The following RIMS2 variants were observed in gnomAD, a reference collection of about 807,000 sequenced individuals.
The protein encoded by RIMS2 is regulating synaptic membrane exocytosis 2.
RIMS2 carries 59 observed loss-of-function variants against 174.4 expected under a neutral mutation model. The ratio of observed to expected loss-of-function variants is 0.34; its 90% confidence interval spans 0.27 to 0.42. The LOEUF is 0.42. Ranked by LOEUF, RIMS2 falls within the 10% of genes least tolerant of loss-of-function variation. RIMS2 has a pLI of 1.00. For missense variants in RIMS2, 1,620 were observed against 1,666.3 expected (o/e 0.97, Z 0.48); for synonymous variants, 606 against 572.5 (o/e 1.06, Z -0.84).
At chr8:104,229,789 A>T (rs1216133528) in intron 19 of RIMS2, among the ~76,000 whole-genome samples, 1 of 151,880 alleles carries the variant, frequency 6.6e-6, no homozygotes, top group South Asian at 2.1e-4. Context: ...CAAAGAAGAG[A>T]TTTCACTTAC....
intron 3 of RIMS2, among the ~76,000 whole-genome samples, chr8:103,869,584 A>G (rs1037197698): frequency 5.3e-5 from 8 of 152,100 alleles, no homozygotes; most frequent in African/African-American, 1.9e-4. Context: ...CAGCCTCCCA[A>G]AGTGCTGGGA....
chr8:103,686,680 G>T (rs939091617), intron 1 of RIMS2, among the ~76,000 whole-genome samples: 1 of 152,052 alleles, frequency 6.6e-6, no homozygotes, highest in Non-Finnish European at 1.5e-5. Flanking sequence ...TTTTGGATTT[G>T]ATTTGTTAAT....
At chr8:103,628,729 C>T (rs2095844762) in intron 1 of RIMS2, among the ~76,000 whole-genome samples, 1 of 138,806 alleles carries the variant, frequency 7.2e-6, no homozygotes, top group South Asian at 2.3e-4. Flanking sequence ...AAACCCACAA[C>T]CGAGAAACAT....
chr8:104,087,894 C>T (rs2097564525), intron 19 of RIMS2, among the ~76,000 whole-genome samples: 1 of 151,970 alleles, frequency 6.6e-6, no homozygotes, highest in African/African-American at 2.4e-5. Flanking sequence ...AGACTCCTTC[C>T]TTTTGAGCTC....
At chr8:103,568,074 C>T (rs1432061606) in intron 1 of RIMS2, among the ~76,000 whole-genome samples, 2 of 151,758 alleles carry the variant, frequency 1.3e-5, no homozygotes, top group Non-Finnish European at 2.9e-5. Context: ...TCAAGACCAG[C>T]TTGGGCAACA....
At chr8:103,684,795 C>T (rs2096922406) in intron 1 of RIMS2, among the ~76,000 whole-genome samples, 1 of 151,860 alleles carries the variant, frequency 6.6e-6, no homozygotes, top group African/African-American at 2.4e-5. Flanking sequence ...CTATGTTGGC[C>T]AGGTTGGTCT....
intron 19 of RIMS2, among the ~76,000 whole-genome samples, chr8:104,146,206 A>AAAG (rs1420330692): frequency 4.5e-4 from 22 of 48,468 alleles, no homozygotes; most frequent in African/African-American, 2.2e-3. Context: ...TCCTCTCCCA[A>AAAG]AAAAAAAAAA....
intron 1 of RIMS2, among the ~76,000 whole-genome samples, chr8:103,655,964 A>G (rs1290556292): frequency 6.6e-6 from 1 of 152,158 alleles, no homozygotes; most frequent in Admixed American, 6.6e-5. Flanking sequence ...TATAAGTAGC[A>G]TGAGTGAGAA....
In RIMS2 at chr8:103,650,437, G is replaced by A. The variant is rs182309503; in HGVS notation, c.177-46649G>A. ...GATCTGCCTAAAGAAGCAATCAGGTGGCCCTTTGGTAGAGCAGGTGTGCTG... is the reference window on the plus strand; with the variant it reads ...GATCTGCCTAAAGAAGCAATCAGGTAGCCCTTTGGTAGAGCAGGTGTGCTG... On this transcript the variant is annotated intron_variant, in intron 1 of 23. Transcript: ENST00000504942. 2.0e-5 allele frequency among the ~76,000 whole-genome samples: 3 copies of A among 152,272 alleles called. No homozygotes were observed. The East Asian group carries it at 5.8e-4, about 29-fold the overall frequency.
chr8:103,949,603 C>G (rs887430879), intron 14 of RIMS2, among the ~76,000 whole-genome samples: 25 of 152,038 alleles, frequency 1.6e-4, no homozygotes, highest in African/African-American at 5.6e-4. Context: ...GAAATGAACA[C>G]CTAATGTATC....
chr8:103,612,052 G>T (rs1005915169), intron 1 of RIMS2, among the ~76,000 whole-genome samples: 9 of 151,958 alleles, frequency 5.9e-5, no homozygotes, highest in African/African-American at 2.2e-4. Flanking sequence ...TGCCTGATCA[G>T]TTCTGCTACT....
chr8:103,753,805 T>G (rs1026230402), intron 2 of RIMS2, among the ~76,000 whole-genome samples: 3 of 152,232 alleles, frequency 2.0e-5, no homozygotes, highest in Admixed American at 2.0e-4. Context: ...TGCGTCTATT[T>G]GATTCTTCTC....
intron 19 of RIMS2, among the ~76,000 whole-genome samples, chr8:104,060,437 G>T (rs1044298747): frequency 5.9e-5 from 9 of 151,988 alleles, no homozygotes; most frequent in African/African-American, 2.2e-4. Context: ...CATTTTTATT[G>T]CGTCTATTTG....
intron 19 of RIMS2, among the ~76,000 whole-genome samples, chr8:104,140,703 C>T (rs937862042): frequency 6.6e-6 from 1 of 152,194 alleles, no homozygotes; most frequent in Non-Finnish European, 1.5e-5. Context: ...GGTACCATTT[C>T]AGCCCCCACT....
At chr8:103,920,161 T>C (rs2077332952) in intron 9 of RIMS2, among the ~76,000 whole-genome samples, 1 of 152,170 alleles carries the variant, frequency 6.6e-6, no homozygotes, top group Non-Finnish European at 1.5e-5. Context: ...ATCCAATCTT[T>C]TATTCTTTAA....
intron 2 of RIMS2, among the ~76,000 whole-genome samples, chr8:103,731,821 A>G (rs2097599477): frequency 6.6e-6 from 1 of 152,064 alleles, no homozygotes; most frequent in South Asian, 2.1e-4. Flanking sequence ...CTCTTTGTTA[A>G]ATTTATCTGA....
intron 16 of RIMS2, among the ~76,000 whole-genome samples, chr8:103,987,405 A>G (rs915525300): frequency 7.9e-5 from 12 of 152,218 alleles, no homozygotes; most frequent in Admixed American, 1.3e-4. Context: ...TAATGGACTA[A>G]TGGGGAAATA....
In RIMS2 at chr8:103,604,588, G is replaced by A. The variant is rs1407060599; in HGVS notation, c.177-92498G>A. On this transcript the variant is annotated intron_variant, in intron 1 of 23. Transcript: ENST00000504942. Reference sequence around the variant, plus strand: ...GCATTCAATCTGTAAATTACCTTGGGCAGTATGGCCATTTTCACGATATTG... The same window carrying A: ...GCATTCAATCTGTAAATTACCTTGGACAGTATGGCCATTTTCACGATATTG... Among the ~76,000 whole-genome samples the A allele has an allele frequency of 4.6e-5, 7 of 151,182 alleles. No homozygotes were observed. In the East Asian group the frequency reaches 1.4e-3, roughly 29 times the overall value.
intron 12 of RIMS2, among the ~76,000 whole-genome samples, chr8:103,933,977 T>C (rs1180420206): frequency 6.6e-6 from 1 of 152,166 alleles, no homozygotes; most frequent in Non-Finnish European, 1.5e-5. Flanking sequence ...TAGTATAGAA[T>C]TTCAGTTAAG....
Sources: gnomAD v4.1 joint callset for allele counts (sites outside exome capture counted in the v4.1 genomes callset) on GRCh38, gnomAD v4.1.1 for gene constraint, MANE v1.5 for transcripts, NCBI Gene and HGNC (gene_info 2026-07-23, HGNC 2026-07-21) for gene names.